The following ZC3H12B variants were observed in gnomAD, a reference collection of about 807,000 sequenced individuals.
ZC3H12B encodes the protein zinc finger CCCH-type containing 12B, also known as probable ribonuclease ZC3H12B.
ZC3H12B carries 7 observed loss-of-function variants against 43.9 expected under a neutral mutation model. That is an observed-to-expected ratio of 0.16 (90% CI 0.09 to 0.30). The LOEUF is 0.30. Among genes scored for constraint, ZC3H12B ranks in the 10% least tolerant of loss-of-function variants. The pLI is 1.00. For missense variants in ZC3H12B, 475 were observed against 670.2 expected, an observed-to-expected ratio of 0.71 and a Z score of 3.22; for synonymous variants, 222 against 241.7, an observed-to-expected ratio of 0.92 and a Z score of 0.76.
intron 3 of ZC3H12B, among the ~76,000 whole-genome samples, chrX:65,446,245 C>G (rs1007705086): frequency 3.6e-5 from 4 of 111,527 alleles, no homozygotes; most frequent in Non-Finnish European, 7.5e-5. Flanking sequence ...TCATCTTTAC[C>G]TTTTTCTCTC....
exon 5 of ZC3H12B, chrX:65,501,862 G>A (rs767382516): frequency 1.7e-5 from 21 of 1,203,476 alleles, no homozygotes; most frequent in Admixed American, 4.4e-5. Flanking sequence ...AGCGTTCGGT[G>A]GCTGATGAGC....
chrX:65,440,580 G>C (rs1259133934), intron 3 of ZC3H12B, among the ~76,000 whole-genome samples: 2 of 112,252 alleles, frequency 1.8e-5, no homozygotes, highest in Admixed American at 1.9e-4. Context: ...CAGGCTGCAG[G>C]TTGTTTACTG....
the ZC3H12B span, among the ~76,000 whole-genome samples, chrX:65,108,606 G>C: frequency 2.1e-5 from 2 of 95,183 alleles, no homozygotes; most frequent in African/African-American, 7.7e-5. Context: ...ATACCTCCTG[G>C]AGGACTTGCC....
chrX:65,357,015 T>G, the ZC3H12B span: 1 of 550,818 alleles, frequency 1.8e-6, no homozygotes, highest in Non-Finnish European at 3.2e-6. Flanking sequence ...TGTTGTTACC[T>G]GGACCTAAAA....
the ZC3H12B span, among the ~76,000 whole-genome samples, chrX:65,189,245 C>T: frequency 5.9e-5 from 6 of 101,762 alleles, no homozygotes; most frequent in Admixed American, 2.1e-4. Flanking sequence ...TGAATAATGC[C>T]GCAATAAACA....
the ZC3H12B span, among the ~76,000 whole-genome samples, chrX:65,307,753 A>T: frequency 8.9e-6 from 1 of 111,907 alleles, no homozygotes; most frequent in African/African-American, 3.2e-5. Flanking sequence ...CCTATAGTAG[A>T]ATACACAAAG....
chrX:65,340,497 A>G, the ZC3H12B span, among the ~76,000 whole-genome samples: 11 of 111,669 alleles, frequency 9.9e-5, no homozygotes, highest in Non-Finnish European at 2.1e-4. Context: ...CCATTCCCCA[A>G]TGCAGTGGGT....
chrX:65,372,891 G>GA (rs923767505), intron 2 of ZC3H12B, among the ~76,000 whole-genome samples: 5 of 111,722 alleles, frequency 4.5e-5, no homozygotes, highest in Admixed American at 9.5e-5. Context: ...GACTGAAAAA[G>GA]AAAAAATAGC....
At chrX:65,304,346 G>A in the ZC3H12B span, among the ~76,000 whole-genome samples, 3 of 111,943 alleles carry the variant, frequency 2.7e-5, no homozygotes, top group East Asian at 8.4e-4. Flanking sequence ...ACCGGGTGCG[G>A]TGGCTCACGC....
chrX:65,104,170 C>G, the ZC3H12B span, among the ~76,000 whole-genome samples: 1 of 111,741 alleles, frequency 8.9e-6, no homozygotes, highest in African/African-American at 3.2e-5. Context: ...AAATGAGGAA[C>G]TGATTTCCTA....
the ZC3H12B span, among the ~76,000 whole-genome samples, chrX:65,258,208 G>A: frequency 1.8e-5 from 2 of 111,459 alleles, no homozygotes; most frequent in South Asian, 3.8e-4. Flanking sequence ...ACATCAAAAA[G>A]CTAATCCACC....
chrX:65,452,464 T>C (rs977865895), intron 3 of ZC3H12B, among the ~76,000 whole-genome samples: 1 of 106,575 alleles, frequency 9.4e-6, no homozygotes, highest in African/African-American at 3.4e-5. Context: ...CTTGGGAATA[T>C]ACCTAACCAA....
the ZC3H12B span, among the ~76,000 whole-genome samples, chrX:65,087,393 G>A: frequency 8.9e-6 from 1 of 112,414 alleles, no homozygotes; most frequent in African/African-American, 3.2e-5. Flanking sequence ...AAGGCAATAT[G>A]GCAAAGCCAG....
chrX:65,174,011 C>G, the ZC3H12B span, among the ~76,000 whole-genome samples: 1 of 111,660 alleles, frequency 9.0e-6, no homozygotes, highest in African/African-American at 3.3e-5. Context: ...TTCTGCATGT[C>G]TGCTGCAGTT....
At chrX:65,052,255 G>C in the ZC3H12B span, among the ~76,000 whole-genome samples, 1 of 110,956 alleles carries the variant, frequency 9.0e-6, no homozygotes, top group African/African-American at 3.3e-5. Flanking sequence ...CATCCAATGT[G>C]AAAAATCACA....
chrX:65,089,764 A>G, the ZC3H12B span, among the ~76,000 whole-genome samples: 1 of 112,060 alleles, frequency 8.9e-6, no homozygotes, highest in Non-Finnish European at 1.9e-5. Flanking sequence ...TTTTAAAATT[A>G]TTTATATTTT....
chrX:65,082,533 G>T, the ZC3H12B span, among the ~76,000 whole-genome samples: 3 of 111,148 alleles, frequency 2.7e-5, no homozygotes, highest in African/African-American at 9.8e-5. Context: ...CAGTTTCCTA[G>T]ACACATACAA....
the ZC3H12B span, among the ~76,000 whole-genome samples, chrX:65,059,693 G>C: frequency 9.0e-6 from 1 of 111,557 alleles, no homozygotes; most frequent in Non-Finnish European, 1.9e-5. Flanking sequence ...ACATAAAATA[G>C]CTTTGTGTAT....
At chrX:65,140,180 G>A in the ZC3H12B span, among the ~76,000 whole-genome samples, 1 of 111,559 alleles carries the variant, frequency 9.0e-6, no homozygotes, top group African/African-American at 3.2e-5. Context: ...GATCTTAGAA[G>A]AAAAGCTTTC....
Sources: allele counts gnomAD v4.1 joint callset (sites outside exome capture counted in the v4.1 genomes callset), GRCh38; gene constraint gnomAD v4.1.1; transcripts MANE v1.5; gene names NCBI Gene and HGNC (gene_info 2026-07-23, HGNC 2026-07-21).